PCCA: variants seen among roughly 807,000 people sequenced by gnomAD.
PCCA encodes propionyl-CoA carboxylase alpha chain, mitochondrial.
A neutral mutation model predicts 101.3 loss-of-function variants in PCCA; 74 were observed. That is an observed-to-expected ratio of 0.73 (90% confidence interval 0.61 to 0.89). The LOEUF (loss-of-function observed/expected upper bound fraction) is 0.89. Ranked by LOEUF, PCCA falls within the 40% of genes least tolerant of loss-of-function variation. PCCA has a pLI of 0.00. For synonymous variants in PCCA, 294 were observed against 313.6 expected (o/e 0.94, Z 0.66); for missense variants, 891 against 907.0 (o/e 0.98, Z 0.23).
At chr13:100,204,295 A>G (rs1237678948) in intron 6 of PCCA, among the ~76,000 whole-genome samples, 4 of 152,078 alleles carry the variant, frequency 2.6e-5, no homozygotes, top group Admixed American at 2.6e-4. Flanking sequence ...ATACACCACC[A>G]TGCCTGGCTA....
At chr13:100,323,731 C>G (rs2068325655) in intron 16 of PCCA, among the ~76,000 whole-genome samples, 1 of 152,162 alleles carries the variant, frequency 6.6e-6, no homozygotes, top group South Asian at 2.1e-4. Context: ...GTCTCATGCT[C>G]TTTGTATATT....
At chr13:100,321,472 A>G (rs2068021905) in intron 16 of PCCA, among the ~76,000 whole-genome samples, 1 of 152,090 alleles carries the variant, frequency 6.6e-6, no homozygotes, top group African/African-American at 2.4e-5. Flanking sequence ...GTTTCTCATT[A>G]AAAAAACTTA....
At chr13:100,443,026 AG>A (rs1487481250) in intron 20 of PCCA, among the ~76,000 whole-genome samples, 1 of 151,948 alleles carries the variant, frequency 6.6e-6, no homozygotes, top group Non-Finnish European at 1.5e-5. Context: ...CATGTTGTGG[AG>A]CGTTTGGAGG....
intron 20 of PCCA, among the ~76,000 whole-genome samples, chr13:100,445,781 A>G (rs1368417988): frequency 1.0e-5 from 1 of 97,814 alleles, no homozygotes; most frequent in Admixed American, 8.5e-5. Flanking sequence ...TCCATTTTGC[A>G]TATTATACCA....
intron 7 of PCCA, among the ~76,000 whole-genome samples, chr13:100,217,016 T>TAG: frequency 6.6e-6 from 1 of 150,382 alleles, no homozygotes; most frequent in East Asian, 2.0e-4. Context: ...GGCTGAGGCC[T>TAG]GAGAATCCCT....
chr13:100,186,738 C>CAAAAAAAAAAAAAAAAAAAAAAAAA (rs376028376), intron 6 of PCCA, among the ~76,000 whole-genome samples: 4 of 84,078 alleles, frequency 4.8e-5, no homozygotes, highest in Non-Finnish European at 7.2e-5. Flanking sequence ...GATTCCATCT[C>CAAAAAAAAAAAAAAAAAAAAAAAAA]AAAAAAAAAA....
chr13:100,380,677 A>G (rs2076174680), intron 19 of PCCA, among the ~76,000 whole-genome samples: 1 of 152,260 alleles, frequency 6.6e-6, no homozygotes, highest in Non-Finnish European at 1.5e-5. Context: ...ATTAGTATAC[A>G]AAAATTAATC....
At chr13:100,350,638 G>A (rs1222559536) in intron 18 of PCCA, among the ~76,000 whole-genome samples, 2 of 152,190 alleles carry the variant, frequency 1.3e-5, no homozygotes, top group African/African-American at 4.8e-5. Flanking sequence ...CTATTACATT[G>A]TAAAATATTT....
At chr13:100,127,659 G>GA (rs1424573673) in intron 4 of PCCA, among the ~76,000 whole-genome samples, 1 of 152,144 alleles carries the variant, frequency 6.6e-6, no homozygotes, top group East Asian at 1.9e-4. Flanking sequence ...TTGGGAGGCC[G>GA]AGGCAGGCGG....
intron 21 of PCCA, among the ~76,000 whole-genome samples, chr13:100,452,238 C>G (rs1469794907): frequency 6.6e-6 from 1 of 150,948 alleles, no homozygotes; most frequent in Non-Finnish European, 1.5e-5. Context: ...CCCCATCTGT[C>G]TCTCCCTGTC....
chr13:100,235,072 ATCT>A (rs956889639), intron 7 of PCCA, among the ~76,000 whole-genome samples: 13 of 152,130 alleles, frequency 8.5e-5, no homozygotes, highest in African/African-American at 3.1e-4. Context: ...TTGTCTTTTC[ATCT>A]TCTTAGAGGT....
intron 16 of PCCA, among the ~76,000 whole-genome samples, chr13:100,313,082 G>T (rs1253317751): frequency 6.6e-6 from 1 of 151,714 alleles, no homozygotes. Flanking sequence ...TTTGATATTT[G>T]CTTTCTCTAT....
At chr13:100,365,600 A>G (rs2075083473) in intron 18 of PCCA, among the ~76,000 whole-genome samples, 1 of 152,228 alleles carries the variant, frequency 6.6e-6, no homozygotes, top group African/African-American at 2.4e-5. Context: ...ATAATTAAGG[A>G]ACAATTTGTG....
intron 21 of PCCA, among the ~76,000 whole-genome samples, chr13:100,471,351 G>A (rs945526071): frequency 1.4e-4 from 21 of 152,130 alleles, no homozygotes; most frequent in African/African-American, 4.8e-4. Flanking sequence ...AACAGATAAC[G>A]ACGAAAATGG....
At chr13:100,272,268 T>C (rs767886571) in intron 11 of PCCA, among the ~76,000 whole-genome samples, 2 of 152,128 alleles carry the variant, frequency 1.3e-5, no homozygotes, top group Non-Finnish European at 2.9e-5. Flanking sequence ...TAGTGAACAC[T>C]GAATAATTTC....
rs935329854 is a variant in PCCA, at chr13:100,101,898, C to A, written c.106-985C>A. Among the ~76,000 whole-genome samples, 4 of 151,998 alleles carry A rather than the reference C, an allele frequency of 2.6e-5. No homozygotes were observed. In the South Asian group the frequency reaches 6.2e-4, roughly 24 times the overall value. ...GATTACAGGCATGAGCCATGGTGCCCGACTCTTTAAAAAATAGTTGTACAA... is the reference window on the plus strand; with the variant it reads ...GATTACAGGCATGAGCCATGGTGCCAGACTCTTTAAAAAATAGTTGTACAA... On this transcript the variant is annotated intron_variant, in intron 1 of 23. Transcript: ENST00000376285.
chr13:100,329,506 G>T (rs1234138499), intron 16 of PCCA, among the ~76,000 whole-genome samples: 1 of 152,108 alleles, frequency 6.6e-6, no homozygotes, highest in African/African-American at 2.4e-5. Flanking sequence ...ATGAGAAGTT[G>T]CTGAAGAACT....
rs912711302 is a variant in PCCA, at chr13:100,134,721, T to C, written c.301-20258T>C. ...GCTTGTGCCACCATGCCCAGCTAGG[T>C]TTTTAATTTTTTTGTAGAGACAGGG... is the stretch of plus-strand genomic sequence containing the variant. On this transcript the variant is annotated intron_variant, in intron 4 of 23. Transcript: ENST00000376285. Among the ~76,000 whole-genome samples the C allele has an allele frequency of 4.0e-5, 6 of 149,076 alleles. No individual in the cohort carries two copies. The South Asian group carries it at 1.1e-3, about 26-fold the overall frequency.
intron 19 of PCCA, among the ~76,000 whole-genome samples, chr13:100,403,234 G>A (rs9557426): frequency 0.24 from 35,748 of 152,002 alleles, 4,884 homozygotes; most frequent in Middle Eastern, 0.41. Flanking sequence ...ACAAAATTTG[G>A]GGAGATAGAT....
Sources: gnomAD v4.1 joint callset for allele counts (sites outside exome capture counted in the v4.1 genomes callset) on GRCh38, gnomAD v4.1.1 for gene constraint, MANE v1.5 for transcripts, NCBI Gene and HGNC (gene_info 2026-07-23, HGNC 2026-07-21) for gene names.